Variants in RALGAPB observed in about 807,000 individuals in gnomAD.
The protein encoded by RALGAPB is Ral GTPase activating protein non-catalytic subunit beta.
Under a neutral mutation model 161.1 loss-of-function variants are expected in RALGAPB, and 25 were observed. That is an observed-to-expected ratio of 0.16 (90% confidence interval 0.11 to 0.22). The LOEUF (loss-of-function observed/expected upper bound fraction) is 0.22, where lower values mean the gene tolerates loss of function less well. Among genes scored for constraint, RALGAPB ranks in the 10% least tolerant of loss-of-function variants. RALGAPB has a pLI of 1.00. For missense variants in RALGAPB, 1,391 were observed against 1,815.2 expected, an observed-to-expected ratio of 0.77 and a Z score of 4.25; for synonymous variants, 629 against 626.1, an observed-to-expected ratio of 1.00 and a Z score of -0.07.
At chr20:38,525,045 C>A in intron 11 of RALGAPB, 100 bp downstream of exon 11, 1 of 1,210,666 alleles carries the variant, frequency 8.3e-7, no homozygotes, top group Non-Finnish European at 1.2e-6. Flanking sequence ...CAGTTGTCTT[C>A]ATAGTCCAAG....
At chr20:38,487,881 A>G (rs1301476219) in intron 1 of RALGAPB, among the ~76,000 whole-genome samples, 1 of 152,116 alleles carries the variant, frequency 6.6e-6, no homozygotes, top group Admixed American at 6.6e-5. Context: ...AGCCTGACCA[A>G]TGTAGAGAAA....
Position 38,570,973 on chromosome 20 carries a change from A to G in RALGAPB, c.4142+126A>G, listed in dbSNP as rs570554369. On this transcript the variant is annotated intron_variant, in intron 28 of 29. Transcript: ENST00000262879. ...CTAGAAATAAAAACAAAAAAGATCA[A>G]AGAAAGAAGTTTGTATACAATGTAC... 62 of 650,572 alleles carry G rather than the reference A, an allele frequency of 9.5e-5. 1 individual carries two copies. The South Asian group carries it at 1.4e-3, about 14-fold the overall frequency. The allele number at this position is 650,572 out of a possible 1,614,324, so 40.3% of individuals were successfully genotyped here. A position where few individuals can be genotyped will look rare whatever the true frequency, so the allele number is the denominator to read the frequency against.
chr20:38,540,792 G>A (rs987256553), intron 17 of RALGAPB, among the ~76,000 whole-genome samples: 4 of 152,088 alleles, frequency 2.6e-5, no homozygotes, highest in African/African-American at 4.8e-5. Flanking sequence ...AATTTCACAA[G>A]AAAGTTGAAT....
rs139310461 is a variant in RALGAPB, at chr20:38,524,151, G to A, written c.1620-627G>A. On this transcript the variant is annotated intron_variant, in intron 10 of 29. Transcript: ENST00000262879. The stretch of plus-strand genomic sequence containing the variant: ...TGCTTAGTAAGTTGATTAGAGGTTG[G>A]GGGTGGAGTTAAAAACTAAGCTATA... Among the ~76,000 whole-genome samples, 246 of 152,242 alleles carry A rather than the reference G, an allele frequency of 1.6e-3. 3 individuals carry two copies. Among genetic ancestry groups the A allele is most frequent in the African/African-American group, 5.4e-3 (224 of 41,538 alleles).
rs143512053 is a variant in RALGAPB at position 38,517,968 on chromosome 20, A to T, written c.1385A>T (p.His462Leu). The change falls in exon 9 of 30, where the codon CAT becomes CTT. Residue 462 changes from histidine to leucine, a missense_variant. Physicochemically the swap from His to Leu is moderately conservative, Grantham distance 99. Coordinates refer to ENST00000262879, the MANE Select transcript of RALGAPB (RefSeq NM_020336.4). Reference protein sequence around the residue: ...FDAAFVHCKLHNGINRDSSMT... With the variant: ...FDAAFVHCKLLNGINRDSSMT... Reference sequence around the variant, plus strand: ...GCAGCATTTGTTCACTGTAAACTTCATAATGGGATAAACAGAGACAGCAGC... The same window carrying T: ...GCAGCATTTGTTCACTGTAAACTTCTTAATGGGATAAACAGAGACAGCAGC... The T allele has an allele frequency of 1.2e-6, 2 of 1,612,132 alleles. No individual in the cohort carries two copies. The highest frequency in any genetic ancestry group is 2.7e-5 in the African/African-American group (2 of 75,000).
At position 38,517,475 on chromosome 20, in the gene RALGAPB, T is replaced by G. The variant is rs372971237; in HGVS notation, c.1052-31T>G. The G allele has an allele frequency of 1.2e-5, 18 of 1,532,008 alleles. No individual in the cohort carries two copies. The African/African-American group carries it at 2.1e-4, about 18-fold the overall frequency. The allele number at this position is 1,532,008 out of a possible 1,614,324, so 94.9% of individuals were successfully genotyped here. On this transcript the variant is annotated intron_variant, in intron 7 of 29. Coordinates refer to ENST00000262879, the MANE Select transcript of RALGAPB (RefSeq NM_020336.4). ...ATCATATATTTTGACCTATGAAGAA[T>G]AATTTCATTTGTCTTTTTTTTTTTT...
intron 3 of RALGAPB, among the ~76,000 whole-genome samples, chr20:38,493,558 A>C (rs963002546): frequency 6.6e-6 from 1 of 152,226 alleles, no homozygotes; most frequent in Non-Finnish European, 1.5e-5. Flanking sequence ...TAGTAAGCCA[A>C]AAGATTCCTC....
At chr20:38,507,138 A>G (rs745581576) in intron 5 of RALGAPB, among the ~76,000 whole-genome samples, 7 of 152,158 alleles carry the variant, frequency 4.6e-5, no homozygotes, top group Non-Finnish European at 1.0e-4. Context: ...GAGCCAACCC[A>G]TGTTAACATT....
Position 38,537,176 on chromosome 20 carries a change from T to C in RALGAPB, c.2379+1969T>C, listed in dbSNP as rs146069743. 6.0e-4 allele frequency among the ~76,000 whole-genome samples: 91 copies of C among 152,170 alleles called. 1 individual carries two copies. In the East Asian group the frequency reaches 0.012, roughly 21 times the overall value. Reference sequence around the variant, plus strand: ...GGACAAATTGATCGGTGGAAGAAAATAGTATATCCATACTTAAGTGGTCAT... The same window carrying C: ...GGACAAATTGATCGGTGGAAGAAAACAGTATATCCATACTTAAGTGGTCAT... On this transcript the variant is annotated intron_variant, in intron 16 of 29. Coordinates refer to ENST00000262879, the MANE Select transcript of RALGAPB (RefSeq NM_020336.4).
At chr20:38,535,428 GTTAAA>G (rs2086775511) in intron 16 of RALGAPB, among the ~76,000 whole-genome samples, 1 of 152,102 alleles carries the variant, frequency 6.6e-6, no homozygotes, top group Admixed American at 6.5e-5. Context: ...GATTTTTACC[GTTAAA>G]TTATAGGAAA....
At chr20:38,572,072 G>A (rs374395925) in intron 28 of RALGAPB, among the ~76,000 whole-genome samples, 119 of 152,230 alleles carry the variant, frequency 7.8e-4, no homozygotes, top group Non-Finnish European at 1.3e-3. Flanking sequence ...AATAAAGACC[G>A]TAATAGTAGG....
chr20:38,475,823 G>T (rs574022851), intron 1 of RALGAPB, among the ~76,000 whole-genome samples: 5 of 152,106 alleles, frequency 3.3e-5, no homozygotes, highest in Admixed American at 2.0e-4. Flanking sequence ...CGCCATGTTG[G>T]CCAGGTTCAT....
Position 38,570,867 on chromosome 20 carries a change from AGTT to A in RALGAPB, c.4142+21_4142+23del. On this transcript the variant is annotated intron_variant, in intron 28 of 29. Transcript: ENST00000262879. Reference sequence around the variant, plus strand: ...ACTGAGGTACACTCTATTTGCTTGAAGTTCATCAGCGTGTCTTTTTTTAACATA... The same window carrying A: ...ACTGAGGTACACTCTATTTGCTTGAACATCAGCGTGTCTTTTTTTAACATA... 1 of 1,515,938 alleles carries A rather than the reference AGTT, an allele frequency of 6.6e-7. No homozygotes were observed. Among genetic ancestry groups the A allele is most frequent in the Non-Finnish European group, 9.1e-7 (1 of 1,097,428 alleles). The allele number at this position is 1,515,938 out of a possible 1,614,324, so 93.9% of individuals were successfully genotyped here.
intron 2 of RALGAPB, among the ~76,000 whole-genome samples, chr20:38,489,031 G>A (rs1232063173): frequency 6.6e-6 from 1 of 152,200 alleles, no homozygotes; most frequent in East Asian, 1.9e-4. Context: ...GAAGACTCAT[G>A]TCAAGTTTTC....
intron 9 of RALGAPB, 47 bp downstream of exon 9, chr20:38,518,047 T>C (rs770352350): frequency 6.6e-7 from 1 of 1,526,682 alleles, no homozygotes; most frequent in South Asian, 1.1e-5. Context: ...CCTTTTCCTT[T>C]TTCTTTTTCT....
intron 26 of RALGAPB, chr20:38,568,639 A>G (rs939265255): frequency 6.6e-6 from 1 of 152,190 alleles, no homozygotes; most frequent in African/African-American, 2.4e-5. Flanking sequence ...GAAAACCCTC[A>G]GGAATCTTTT....
chr20:38,571,080 C>T (rs890653018), intron 28 of RALGAPB, among the ~76,000 whole-genome samples: 4 of 152,172 alleles, frequency 2.6e-5, no homozygotes, highest in South Asian at 4.1e-4. Flanking sequence ...AAAAGCTATA[C>T]GTATTTAATG....
Position 38,488,440 on chromosome 20 carries a change from C to CT in RALGAPB, c.9dup (p.Glu4Ter). ...TTGTACTTTAGTGGCACGATGTACT[C>CT]TGAGTGGAGGTCACTGCATTTGGTG... On this transcript the variant is annotated frameshift_variant, in exon 2 of 30. Coordinates refer to ENST00000262879, the MANE Select transcript of RALGAPB (RefSeq NM_020336.4). LOFTEE classifies it high-confidence loss of function. 6.2e-7 allele frequency: 1 copy of CT among 1,612,914 alleles called. No homozygotes were observed. The highest frequency in any genetic ancestry group is 8.5e-7 in the Non-Finnish European group (1 of 1,179,392).
intron 19 of RALGAPB, among the ~76,000 whole-genome samples, chr20:38,548,478 A>G (rs1193297490): frequency 6.6e-6 from 1 of 152,242 alleles, no homozygotes; most frequent in Non-Finnish European, 1.5e-5. Flanking sequence ...TTTTCCATTT[A>G]GAGATGCACA....
Sources: gnomAD v4.1 joint callset for allele counts (sites outside exome capture counted in the v4.1 genomes callset) on GRCh38, gnomAD v4.1.1 for gene constraint, MANE v1.5 for transcripts, NCBI Gene and HGNC (gene_info 2026-07-23, HGNC 2026-07-21) for gene names.